Variants in FLT1 observed in about 807,000 individuals in gnomAD.
FLT1 encodes the protein fms related receptor tyrosine kinase 1, also known as vascular endothelial growth factor receptor 1.
In FLT1, 49 loss-of-function variants were observed where a neutral mutation model predicts 156.3. The ratio of observed to expected loss-of-function variants is 0.31; its 90% CI spans 0.25 to 0.40. The LOEUF is 0.40. Ranked by LOEUF, FLT1 falls within the 10% of genes least tolerant of loss-of-function variation. FLT1 has a pLI of 1.00. For missense variants in FLT1, 1,322 were observed against 1,637.2 expected (o/e 0.81, Z 3.32); for synonymous variants, 594 against 583.8 (o/e 1.02, Z -0.25).
chr13:28,374,755 C>T (rs774376559), intron 14 of FLT1, among the ~76,000 whole-genome samples: 7 of 151,918 alleles, frequency 4.6e-5, no homozygotes, highest in South Asian at 2.1e-4. Context: ...CCTTGTGATC[C>T]GCCCACCTCG....
intron 15 of FLT1, among the ~76,000 whole-genome samples, chr13:28,356,629 A>G (rs994412046): frequency 6.6e-6 from 1 of 152,228 alleles, no homozygotes; most frequent in African/African-American, 2.4e-5. Flanking sequence ...CAGAGTTAAA[A>G]TATTTAAGCA....
chr13:28,385,706 AACAT>A, intron 13 of FLT1: 3 of 973,936 alleles, frequency 3.1e-6, no homozygotes, highest in Non-Finnish European at 1.2e-6. Context: ...TTTCTCTTAA[AACAT>A]ACAAATATGA....
In FLT1 at chr13:28,356,708, T is replaced by C. The variant is rs1293724902; in HGVS notation, c.2248+846A>G. On this transcript the variant is annotated intron_variant, in intron 15 of 29. Coordinates refer to ENST00000282397, the MANE Select transcript of FLT1 (RefSeq NM_002019.4). The stretch of plus-strand genomic sequence containing the variant: ...TCCTAGTTCCTCCCCGCAAAATACT[T>C]GCATATTCTGAAGTCGACTGGTTAG... Among the ~76,000 whole-genome samples, 3 of 152,330 alleles carry C rather than the reference T, an allele frequency of 2.0e-5. No homozygotes were observed. The East Asian group carries it at 5.8e-4, about 29-fold the overall frequency.
chr13:28,356,656 G>A lies in FLT1; in HGVS notation c.2248+898C>T, dbSNP rs1051374331. On this transcript the variant is annotated intron_variant, in intron 15 of 29. Coordinates refer to ENST00000282397, the MANE Select transcript of FLT1 (RefSeq NM_002019.4). ...ATTTAAGCAATGTAAGTTTCAGGGG[G>A]AAAAAAACTGAAGTACGTTGCCTTC... Among the ~76,000 whole-genome samples, 42 of 152,228 alleles carry A rather than the reference G, an allele frequency of 2.8e-4. 1 individual carries two copies. Among genetic ancestry groups the A allele is most frequent in the Admixed American group, 5.9e-4 (9 of 15,274 alleles).
chr13:28,387,099 A>G (rs2137453612), intron 13 of FLT1: 2 of 1,035,420 alleles, frequency 1.9e-6, no homozygotes, highest in African/African-American at 3.4e-5. Context: ...TTTTAACATA[A>G]ATGTCATTAA....
intron 3 of FLT1, among the ~76,000 whole-genome samples, chr13:28,458,487 C>T (rs757361879): frequency 6.6e-6 from 1 of 152,150 alleles, no homozygotes; most frequent in Non-Finnish European, 1.5e-5. Context: ...ATGGCCTGAA[C>T]ATTTTACATG....
intron 24 of FLT1, among the ~76,000 whole-genome samples, chr13:28,317,822 C>T (rs1270856995): frequency 2.0e-5 from 3 of 152,218 alleles, no homozygotes; most frequent in Non-Finnish European, 4.4e-5. Flanking sequence ...TGCGGGGCAC[C>T]TGGTGCTCAC....
chr13:28,300,528 C>T lies in FLT1; in HGVS notation c.*2639G>A, dbSNP rs1301450664. On this transcript the variant is annotated 3_prime_UTR_variant, in exon 30 of 30. Coordinates refer to ENST00000282397, the MANE Select transcript of FLT1 (RefSeq NM_002019.4). ...CACAAAACACACATACACCCACACA[C>T]ACACACACACACACACACACACACA... 1.4e-4 allele frequency: 4 copies of T among 27,638 alleles called. No individual in the cohort carries two copies. Among genetic ancestry groups the T allele is most frequent in the Non-Finnish European group, 6.7e-4 (4 of 5,974 alleles). 1.7% of individuals were successfully genotyped at this position (27,638 alleles called of 1,614,324 possible).
chr13:28,494,836 C>A lies in FLT1; in HGVS notation c.8G>T (p.Ser3Ile). The A allele has an allele frequency of 6.4e-7, 1 of 1,567,388 alleles. No homozygotes were observed. Among genetic ancestry groups the A allele is most frequent in the Non-Finnish European group, 8.6e-7 (1 of 1,162,354 alleles). The change falls in exon 1 of 30, where the codon AGC becomes ATC. Residue 3 changes from serine to isoleucine, a missense_variant. This residue lies in a region of FLT1 where 991 missense variants were observed against 1,254.8 expected (regional missense o/e 0.79). Coordinates refer to ENST00000282397, the MANE Select transcript of FLT1 (RefSeq NM_002019.4). ...CAGCAGGACCCCGGTGTCCCAGTAG[C>A]TGACCATGGTGAGCGCGACGCGGCC... MV[S>I]YWDTGVLLCA...
At position 28,303,029 on chromosome 13, in the gene FLT1, TAAAAA is replaced by T. The variant is rs1307767758; in HGVS notation, c.*133_*137del. 3 of 724,066 alleles carry T rather than the reference TAAAAA, an allele frequency of 4.1e-6. No individual in the cohort carries two copies. The highest frequency in any genetic ancestry group is 2.2e-6 in the Non-Finnish European group (1 of 446,412). The allele number at this position is 724,066 out of a possible 1,614,324, so 44.9% of individuals were successfully genotyped here. A position where few individuals can be genotyped will look rare whatever the true frequency, so the allele number is the denominator to read the frequency against. ...TTAGTCAAAAAAAAAAAAGCACTATTAAAAAAATCACAAAAAGCAGCTGGCTCCCA... is the reference window on the plus strand; with the variant it reads ...TTAGTCAAAAAAAAAAAAGCACTATTAATCACAAAAAGCAGCTGGCTCCCA... On this transcript the variant is annotated 3_prime_UTR_variant, in exon 30 of 30. Coordinates refer to ENST00000282397, the MANE Select transcript of FLT1 (RefSeq NM_002019.4).
intron 10 of FLT1, among the ~76,000 whole-genome samples, chr13:28,412,357 T>TTTC (rs1876298124): frequency 3.3e-5 from 4 of 121,104 alleles, no homozygotes; most frequent in African/African-American, 1.3e-4. Flanking sequence ...TTTCTCTTTC[T>TTTC]TTCTTTCTTT....
intron 14 of FLT1, among the ~76,000 whole-genome samples, chr13:28,374,735 G>A (rs978804986): frequency 1.3e-5 from 2 of 151,902 alleles, no homozygotes; most frequent in South Asian, 2.1e-4. Context: ...GGATGGTCTC[G>A]ATCTCCTGAC....
chr13:28,333,951 T>C (rs1872022725), intron 18 of FLT1, 74 bp downstream of exon 18: 2 of 950,918 alleles, frequency 2.1e-6, no homozygotes, highest in Admixed American at 3.4e-5. Flanking sequence ...CCAGGCTATA[T>C]CTAACTTGTA....
intron 13 of FLT1, chr13:28,388,221 G>A: frequency 1.9e-6 from 2 of 1,057,274 alleles, no homozygotes; most frequent in Non-Finnish European, 2.3e-6. Context: ...TGTTTTCAGA[G>A]CATTTGGGGC....
At chr13:28,410,128 C>T (rs1290009520) in intron 10 of FLT1, among the ~76,000 whole-genome samples, 7 of 152,184 alleles carry the variant, frequency 4.6e-5, no homozygotes, top group African/African-American at 1.7e-4. Context: ...TTGTGTTCAC[C>T]TGTGCTTTTT....
At chr13:28,355,028 A>G (rs1402807001) in intron 15 of FLT1, among the ~76,000 whole-genome samples, 5 of 152,244 alleles carry the variant, frequency 3.3e-5, no homozygotes, top group Admixed American at 6.5e-5. Flanking sequence ...GAGGCATGTA[A>G]ACATGAGAGA....
At chr13:28,312,924 C>T (rs1209377327) in intron 25 of FLT1, among the ~76,000 whole-genome samples, 1 of 152,132 alleles carries the variant, frequency 6.6e-6, no homozygotes, top group African/African-American at 2.4e-5. Context: ...CCAATGTCAA[C>T]AGACTCCTCT....
chr13:28,449,639 G>C (rs984858132), intron 3 of FLT1, among the ~76,000 whole-genome samples: 1 of 152,154 alleles, frequency 6.6e-6, no homozygotes, highest in Non-Finnish European at 1.5e-5. Context: ...ATTTCTATTT[G>C]AGCAGGGTAA....
chr13:28,317,839 T>C (rs1050331590), intron 24 of FLT1, among the ~76,000 whole-genome samples: 15 of 152,244 alleles, frequency 9.9e-5, no homozygotes, highest in African/African-American at 3.4e-4. Context: ...TCACAGGCTA[T>C]TCCTATGGCT....
Sources: allele counts gnomAD v4.1 joint callset (sites outside exome capture counted in the v4.1 genomes callset), GRCh38; gene constraint gnomAD v4.1.1; regional missense constraint gnomAD v4.1.1; transcripts MANE v1.5; gene names NCBI Gene and HGNC (gene_info 2026-07-23, HGNC 2026-07-21).